The following NHS variants were observed in gnomAD, a reference collection of about 807,000 sequenced individuals.
NHS encodes the protein NHS actin remodeling regulator, also known as actin remodeling regulator NHS.
A neutral mutation model predicts 72.5 loss-of-function variants in NHS; 5 were observed. The observed-to-expected ratio is 0.07, with a 90% CI of 0.04 to 0.14. NHS has a LOEUF of 0.14. NHS is among the 10% of genes least tolerant of loss of function. NHS has a pLI of 1.00. For missense variants in NHS, 1,072 were observed against 1,355.7 expected (o/e 0.79, Z 3.29); for synonymous variants, 464 against 547.7 (o/e 0.85, Z 2.13).
In NHS at chrX:17,735,655, G is replaced by A. The variant is rs775271571; in HGVS notation, c.*3191G>A. 9 of 112,544 alleles carry A rather than the reference G, an allele frequency of 8.0e-5. No individual in the cohort carries two copies. Among genetic ancestry groups the A allele is most frequent in the African/African-American group, 6.5e-5 (2 of 30,822 alleles). The allele number at this position is 112,544 out of a possible 1,213,427, so 9.3% of individuals were successfully genotyped here. On this transcript the variant is annotated 3_prime_UTR_variant, in exon 9 of 9. Coordinates refer to ENST00000676302, the MANE Select transcript of NHS (RefSeq NM_001291867.2). ...AATAAAGATTTAAAACTATGAAGAA[G>A]GTTACAGTGTAACTATTTTGGTACT...
chrX:17,505,427 A>T (rs2065052849), intron 1 of NHS, among the ~76,000 whole-genome samples: 1 of 111,492 alleles, frequency 9.0e-6, no homozygotes, highest in Non-Finnish European at 1.9e-5. Flanking sequence ...CCCTGTGTGT[A>T]TGAGAACCTT....
intron 1 of NHS, among the ~76,000 whole-genome samples, chrX:17,448,334 A>G (rs1360534053): frequency 8.9e-6 from 1 of 112,347 alleles, no homozygotes; most frequent in Non-Finnish European, 1.9e-5. Flanking sequence ...GATCTGGGAC[A>G]TTTCATAGAT....
chrX:17,597,315 C>T (rs1482505842), intron 1 of NHS, among the ~76,000 whole-genome samples: 1 of 108,986 alleles, frequency 9.2e-6, no homozygotes, highest in African/African-American at 3.3e-5. Context: ...TTCGTAGAGA[C>T]GGGGTTTCAC....
At chrX:17,412,423 C>T (rs188684027) in intron 1 of NHS, among the ~76,000 whole-genome samples, 69 of 109,778 alleles carry the variant, frequency 6.3e-4, no homozygotes, top group Admixed American at 2.3e-3. Flanking sequence ...GGCAAAACCC[C>T]GTCTCTACTA....
At position 17,427,743 on chromosome X, in the gene NHS, A is replaced by T. The variant is rs761210178; in HGVS notation, c.565+51421A>T. 3.4e-4 allele frequency among the ~76,000 whole-genome samples: 39 copies of T among 113,049 alleles called. 1 individual carries two copies. The highest frequency in any genetic ancestry group is 3.4e-3 in the Admixed American group (37 of 10,743). On this transcript the variant is annotated intron_variant, in intron 1 of 8. Transcript: ENST00000676302. Reference sequence around the variant, plus strand: ...GGTCAGACTGCCAGCTGTGACCCACATTGGAGGTCTACCATCTTTTCTTGT... The same window carrying T: ...GGTCAGACTGCCAGCTGTGACCCACTTTGGAGGTCTACCATCTTTTCTTGT...
At chrX:17,518,287 A>G (rs1466763172) in intron 1 of NHS, among the ~76,000 whole-genome samples, 1 of 112,414 alleles carries the variant, frequency 8.9e-6, no homozygotes, top group Non-Finnish European at 1.9e-5. Context: ...CTCTGAGTTC[A>G]ACAGAGCAAA....
chrX:17,451,766 A>AAGGT (rs2064806462), intron 1 of NHS, among the ~76,000 whole-genome samples: 1 of 111,987 alleles, frequency 8.9e-6, no homozygotes, highest in Admixed American at 9.5e-5. Context: ...TCCTTATGAA[A>AAGGT]AGGTAGTGTA....
At chrX:17,399,007 C>T (rs951664893) in intron 1 of NHS, among the ~76,000 whole-genome samples, 6 of 112,107 alleles carry the variant, frequency 5.4e-5, no homozygotes, top group African/African-American at 1.3e-4. Context: ...ATGTTTGAAA[C>T]GCTATCTAAT....
intron 1 of NHS, among the ~76,000 whole-genome samples, chrX:17,392,221 G>T (rs1318353896): frequency 1.8e-5 from 2 of 112,071 alleles, no homozygotes; most frequent in Non-Finnish European, 3.8e-5. Flanking sequence ...ATGATTCCGA[G>T]GCCCTAAGGG....
intron 1 of NHS, among the ~76,000 whole-genome samples, chrX:17,512,820 C>G (rs1254508658): frequency 8.0e-5 from 9 of 112,024 alleles, no homozygotes; most frequent in Non-Finnish European, 1.7e-4. Flanking sequence ...TCAATGACAG[C>G]TTGATGGTGG....
At chrX:17,430,764 G>A (rs1308008525) in intron 1 of NHS, among the ~76,000 whole-genome samples, 1 of 112,132 alleles carries the variant, frequency 8.9e-6, no homozygotes, top group Non-Finnish European at 1.9e-5. Context: ...CCCTTAGCAT[G>A]ATGTTTTCAA....
intron 1 of NHS, among the ~76,000 whole-genome samples, chrX:17,475,217 T>C (rs896771229): frequency 2.0e-4 from 23 of 112,231 alleles, no homozygotes; most frequent in Admixed American, 4.7e-4. Flanking sequence ...TATTCGGAAG[T>C]GTGGAGAAGG....
rs1359971088 is a variant in NHS at position 17,422,781 on chromosome X, A to G, written c.565+46459A>G. Among the ~76,000 whole-genome samples, 17 of 112,184 alleles carry G rather than the reference A, an allele frequency of 1.5e-4. No homozygotes were observed. In the Admixed American group the frequency reaches 1.6e-3, roughly 11 times the overall value. On this transcript the variant is annotated intron_variant, in intron 1 of 8. Coordinates refer to ENST00000676302, the MANE Select transcript of NHS (RefSeq NM_001291867.2). ...GGGTACTTTCTGATAAGAAGAACCT[A>G]TGAGACACTTTGGACGAGTAGGGAA...
At chrX:17,398,921 C>CT (rs1023397605) in intron 1 of NHS, among the ~76,000 whole-genome samples, 1 of 111,325 alleles carries the variant, frequency 9.0e-6, no homozygotes, top group Non-Finnish European at 1.9e-5. Flanking sequence ...GAATTGTTGC[C>CT]TTTTTTGCTA....
chrX:17,488,533 C>T (rs1359030542), intron 1 of NHS, among the ~76,000 whole-genome samples: 1 of 111,797 alleles, frequency 8.9e-6, no homozygotes, highest in Non-Finnish European at 1.9e-5. Context: ...TTTTCTATGC[C>T]ATGGACCCCT....
chrX:17,560,347 C>T (rs1042758284), intron 1 of NHS, among the ~76,000 whole-genome samples: 1 of 112,584 alleles, frequency 8.9e-6, no homozygotes, highest in African/African-American at 3.2e-5. Context: ...TTCCTGCACT[C>T]CTCTATTTGA....
At chrX:17,627,333 T>G (rs1297949003) in intron 1 of NHS, among the ~76,000 whole-genome samples, 1 of 112,410 alleles carries the variant, frequency 8.9e-6, no homozygotes, top group Non-Finnish European at 1.9e-5. Flanking sequence ...ATGCCAAGAC[T>G]GAAGTTTTCC....
At chrX:17,584,380 G>A (rs765199038) in intron 1 of NHS, among the ~76,000 whole-genome samples, 1 of 111,647 alleles carries the variant, frequency 9.0e-6, no homozygotes, top group Non-Finnish European at 1.9e-5. Context: ...GGGCAGAGAA[G>A]CTGGGTGTCT....
chrX:17,703,927 G>A (rs866688075), intron 3 of NHS, among the ~76,000 whole-genome samples: 3 of 112,094 alleles, frequency 2.7e-5, no homozygotes, highest in African/African-American at 9.7e-5. Context: ...TATTGTCAGA[G>A]CAGCCATTGT....
Sources: gnomAD v4.1 joint callset for allele counts (sites outside exome capture counted in the v4.1 genomes callset) on GRCh38, gnomAD v4.1.1 for gene constraint, MANE v1.5 for transcripts, NCBI Gene and HGNC (gene_info 2026-07-23, HGNC 2026-07-21) for gene names.